Variants in EPHB1 observed in about 807,000 individuals in gnomAD.
EPHB1 encodes the protein EPH receptor B1, also known as ephrin type-B receptor 1.
A neutral mutation model predicts 94.4 loss-of-function variants in EPHB1; 30 were observed. The observed-to-expected ratio is 0.32, with a 90% CI of 0.24 to 0.43. EPHB1 has a LOEUF of 0.43. EPHB1 is among the 20% of genes least tolerant of loss of function. EPHB1 has a pLI of 1.00. For missense variants in EPHB1, 1,055 were observed against 1,308.3 expected, an observed-to-expected ratio of 0.81 and a Z score of 2.99; for synonymous variants, 522 against 489.1, an observed-to-expected ratio of 1.07 and a Z score of -0.89.
intron 5 of EPHB1, among the ~76,000 whole-genome samples, chr3:135,148,486 C>T (rs1322771672): frequency 4.6e-5 from 7 of 152,044 alleles, no homozygotes; most frequent in Non-Finnish European, 8.8e-5. Flanking sequence ...CCTTTGGGAC[C>T]GTTTGTACAA....
At chr3:135,207,669 A>G (rs1348369820) in intron 12 of EPHB1, among the ~76,000 whole-genome samples, 1 of 152,236 alleles carries the variant, frequency 6.6e-6, no homozygotes, top group Non-Finnish European at 1.5e-5. Flanking sequence ...CAGAGACTTA[A>G]AGAACAGTCA....
intron 15 of EPHB1, among the ~76,000 whole-genome samples, chr3:135,252,169 G>C (rs1273953457): frequency 6.6e-6 from 1 of 150,944 alleles, no homozygotes; most frequent in South Asian, 2.1e-4. Context: ...TTTTTTTTCT[G>C]TCCATAGCTT....
chr3:135,120,415 G>T (rs571440167), intron 4 of EPHB1, among the ~76,000 whole-genome samples: 3 of 152,314 alleles, frequency 2.0e-5, no homozygotes, highest in African/African-American at 7.2e-5. Context: ...TGACAGTGTA[G>T]TGGTGGGAAT....
At chr3:135,233,126 A>G (rs368300676) in intron 12 of EPHB1, among the ~76,000 whole-genome samples, 1 of 152,210 alleles carries the variant, frequency 6.6e-6, no homozygotes, top group Non-Finnish European at 1.5e-5. Context: ...GCAGTCCCCC[A>G]AAATCTTAAC....
chr3:134,963,434 T>C (rs2081304342), intron 3 of EPHB1, among the ~76,000 whole-genome samples: 1 of 152,036 alleles, frequency 6.6e-6, no homozygotes, highest in African/African-American at 2.4e-5. Flanking sequence ...CCACTGATGG[T>C]TGTATGATGG....
At chr3:134,993,086 G>A (rs62273061) in intron 3 of EPHB1, among the ~76,000 whole-genome samples, 15,347 of 152,244 alleles carry the variant, frequency 0.1, 1,055 homozygotes, top group Non-Finnish European at 0.15. Context: ...AGTCCAGAAT[G>A]ATGTCCTGCC....
intron 1 of EPHB1, among the ~76,000 whole-genome samples, chr3:134,882,781 TC>T (rs1420552619): frequency 1.6e-5 from 1 of 61,416 alleles, no homozygotes. Context: ...TTTCTTTCTT[TC>T]TTTCTTTCTT....
At chr3:135,119,386 A>G (rs1450046297) in intron 4 of EPHB1, among the ~76,000 whole-genome samples, 1 of 151,972 alleles carries the variant, frequency 6.6e-6, no homozygotes, top group African/African-American at 2.4e-5. Context: ...ACTACATTTT[A>G]TATATGTCCT....
At chr3:135,171,107 G>A (rs551900189) in intron 9 of EPHB1, among the ~76,000 whole-genome samples, 1 of 152,270 alleles carries the variant, frequency 6.6e-6, no homozygotes, top group African/African-American at 2.4e-5. Context: ...TGATTAAGCA[G>A]ATGAGTTCTG....
chr3:135,253,131 G>A (rs1336069791), intron 15 of EPHB1, among the ~76,000 whole-genome samples: 2 of 149,552 alleles, frequency 1.3e-5, no homozygotes, highest in Non-Finnish European at 3.0e-5. Context: ...CAGATGAGTA[G>A]GTTGTGAAAA....
intron 6 of EPHB1, among the ~76,000 whole-genome samples, chr3:135,154,619 G>A (rs1007781111): frequency 1.4e-4 from 21 of 152,172 alleles, no homozygotes; most frequent in Non-Finnish European, 2.5e-4. Flanking sequence ...ACCTTCAGAG[G>A]AGTGTGTGGT....
At chr3:135,122,142 G>A (rs184173450) in intron 4 of EPHB1, among the ~76,000 whole-genome samples, 2 of 152,234 alleles carry the variant, frequency 1.3e-5, no homozygotes, top group East Asian at 3.9e-4. Context: ...AGACATCGGT[G>A]AACTTTTCAT....
At chr3:134,903,087 G>A (rs2038236434) in intron 1 of EPHB1, among the ~76,000 whole-genome samples, 1 of 152,182 alleles carries the variant, frequency 6.6e-6, no homozygotes, top group Non-Finnish European at 1.5e-5. Context: ...GAGGGTACTA[G>A]GTCCCATTTG....
chr3:135,252,372 C>G (rs1234781252), intron 15 of EPHB1, among the ~76,000 whole-genome samples: 1 of 115,782 alleles, frequency 8.6e-6, no homozygotes, highest in Non-Finnish European at 1.7e-5. Flanking sequence ...CCCCTCCCCC[C>G]ACCCCACCAC....
intron 1 of EPHB1, among the ~76,000 whole-genome samples, chr3:134,909,883 C>G (rs926477389): frequency 3.3e-5 from 5 of 152,174 alleles, no homozygotes; most frequent in African/African-American, 1.2e-4. Context: ...AGACCAGGAT[C>G]AGCACTTCAA....
chr3:135,251,412 T>C (rs1933092013), intron 15 of EPHB1, among the ~76,000 whole-genome samples: 1 of 152,150 alleles, frequency 6.6e-6, no homozygotes, highest in African/African-American at 2.4e-5. Flanking sequence ...GGGGCCATTG[T>C]CACGTAATCC....
intron 3 of EPHB1, among the ~76,000 whole-genome samples, chr3:134,998,967 A>G (rs528206931): frequency 2.0e-4 from 31 of 152,330 alleles, no homozygotes; most frequent in Non-Finnish European, 4.3e-4. Flanking sequence ...AGTCACAGTC[A>G]GAGAGGCAGG....
At chr3:134,965,266 C>G (rs998433917) in intron 3 of EPHB1, among the ~76,000 whole-genome samples, 1 of 152,172 alleles carries the variant, frequency 6.6e-6, no homozygotes, top group Admixed American at 6.5e-5. Context: ...TCATTAAGAA[C>G]CAGTAGCCAA....
At chr3:135,247,942 A>C (rs905346889) in intron 13 of EPHB1, among the ~76,000 whole-genome samples, 1 of 152,316 alleles carries the variant, frequency 6.6e-6, no homozygotes, top group South Asian at 2.1e-4. Flanking sequence ...TCATTGTTTC[A>C]TCACTCCTAG....
Sources: gnomAD v4.1 joint callset for allele counts (sites outside exome capture counted in the v4.1 genomes callset) on GRCh38, gnomAD v4.1.1 for gene constraint, MANE v1.5 for transcripts, NCBI Gene and HGNC (gene_info 2026-07-23, HGNC 2026-07-21) for gene names.